The following WASHC2C variants were observed in gnomAD, a reference collection of about 807,000 sequenced individuals.
The protein encoded by WASHC2C is Vaccinia Penetration Factor.
Under a neutral mutation model 142.2 loss-of-function variants are expected in WASHC2C, and 73 were observed. The observed-to-expected ratio is 0.51, with a 90% CI of 0.43 to 0.62. The LOEUF is 0.62. Ranked by LOEUF, WASHC2C falls within the 20% of genes least tolerant of loss-of-function variation. The probability of loss-of-function intolerance (pLI) is 0.00; values close to 1 mark genes in which losing one functional copy is unlikely to be tolerated. For synonymous variants in WASHC2C, 337 were observed against 565.5 expected (o/e 0.60, Z 5.73); for missense variants, 969 against 1,531.7 (o/e 0.63, Z 6.13).
At chr10:45,760,834 A>G (rs2054970276) in intron 17 of WASHC2C, among the ~76,000 whole-genome samples, 1 of 148,892 alleles carries the variant, frequency 6.7e-6, no homozygotes, top group Admixed American at 6.7e-5. Context: ...TTGCTTATTC[A>G]TTGTCTCTAC....
intron 29 of WASHC2C, among the ~76,000 whole-genome samples, chr10:45,789,911 T>G (rs1371203776): frequency 6.6e-6 from 1 of 152,162 alleles, no homozygotes; most frequent in Non-Finnish European, 1.5e-5. Context: ...AATAAGACTT[T>G]CAGTGGCATT....
chr10:45,775,679 A>ATT (rs1554886147), intron 21 of WASHC2C, among the ~76,000 whole-genome samples: 2 of 137,840 alleles, frequency 1.5e-5, no homozygotes, highest in African/African-American at 2.7e-5. Flanking sequence ...ATTTGCATTG[A>ATT]ATTTTTTTTT....
At chr10:45,760,758 G>A (rs1195879542) in intron 17 of WASHC2C, among the ~76,000 whole-genome samples, 1 of 119,790 alleles carries the variant, frequency 8.3e-6, no homozygotes, top group Non-Finnish European at 1.7e-5. Context: ...ATACCACGCT[G>A]TGCTCCTGGT....
rs193113822 is a variant in WASHC2C, at chr10:45,758,333, A to G, written c.1549-982A>G. 1.1e-3 allele frequency among the ~76,000 whole-genome samples: 166 copies of G among 152,132 alleles called. No homozygotes were observed. The Middle Eastern group carries it at 0.017, about 16-fold the overall frequency. ...GTTCTCTTTTGCCATTGCTCAGTTG[A>G]TCTCTAAAGTGATAGTTGAACACAG... On this transcript the variant is annotated intron_variant, in intron 16 of 30. Transcript: ENST00000623400.
At chr10:45,786,393 A>G (rs1317045453) in intron 26 of WASHC2C, 4 of 661,570 alleles carry the variant, frequency 6.0e-6, no homozygotes, top group South Asian at 1.8e-5. Flanking sequence ...TTGACTCCAT[A>G]TCTGATCTGG....
intron 13 of WASHC2C, among the ~76,000 whole-genome samples, chr10:45,754,233 C>T (rs2053964271): frequency 6.6e-6 from 1 of 152,198 alleles, no homozygotes; most frequent in Non-Finnish European, 1.5e-5. Context: ...AGCTGACCCA[C>T]TGCTGTGGCT....
At chr10:45,787,711 C>T (rs1263827686) in intron 28 of WASHC2C, among the ~76,000 whole-genome samples, 2 of 151,986 alleles carry the variant, frequency 1.3e-5, no homozygotes, top group Non-Finnish European at 2.9e-5. Flanking sequence ...TCCAGGCACA[C>T]CAGGTGCCAC....
Position 45,787,244 on chromosome 10 carries a change from C to T in WASHC2C, c.3084C>T (p.Asn1028=). The change falls in exon 28 of 31, where the codon AAC becomes AAT. Residue 1028 remains asparagine (N), a synonymous_variant. Coordinates refer to ENST00000623400, the MANE Select transcript of WASHC2C (RefSeq NM_001330074.2). ...PAQADTLHSA[N]KSRVKMRGKR... ...AGGCAGACACCTTACACAGTGCAAA[C>T]AAGGTGATGAAACCATCTTTGCTTC... The T allele has an allele frequency of 2.8e-6, 4 of 1,419,732 alleles. No homozygotes were observed. The highest frequency in any genetic ancestry group is 4.9e-4 in the Middle Eastern group (2 of 4,114). The allele number at this position is 1,419,732 out of a possible 1,614,324, so 87.9% of individuals were successfully genotyped here. A position where few individuals can be genotyped will look rare whatever the true frequency, so the allele number is the denominator to read the frequency against.
intron 23 of WASHC2C, among the ~76,000 whole-genome samples, chr10:45,784,273 T>TATATATATATATACACACACACAC (rs1564819879): frequency 2.5e-4 from 2 of 8,036 alleles, no homozygotes; most frequent in Non-Finnish European, 9.4e-4. Flanking sequence ...TATATATATA[T>TATATATATATATACACACACACAC]ATATATATAT....
In WASHC2C at chr10:45,786,646, A is replaced by T; in HGVS notation, c.2846A>T (p.Glu949Val). 1 of 1,611,884 alleles carries T rather than the reference A, an allele frequency of 6.2e-7. No homozygotes were observed. Among genetic ancestry groups the T allele is most frequent in the South Asian group, 1.1e-5 (1 of 90,988 alleles). The change falls in exon 27 of 31, where the codon GAA (glutamate) becomes GTA (valine). Residue 949 changes from glutamate to valine, a missense_variant. Physicochemically the swap from Glu to Val is moderately radical, Grantham distance 121 (BLOSUM62 -2). Coordinates refer to ENST00000623400, the MANE Select transcript of WASHC2C (RefSeq NM_001330074.2). ...SSGLAPFKTK[E>V]PSTRIGKIQA... ...GGTCTCGCTCCATTTAAAACCAAAG[A>T]ACCATCCACTCGGATCGGGAAGATA...
At chr10:45,763,288 A>G (rs1335836134) in intron 17 of WASHC2C, 100 bp from the exon 18 acceptor site, 4 of 586,520 alleles carry the variant, frequency 6.8e-6, no homozygotes, top group Non-Finnish European at 1.2e-5. Flanking sequence ...GCCTAGACAC[A>G]TGGCAGCTGT....
chr10:45,752,371 G>A (rs1554875098), intron 11 of WASHC2C, among the ~76,000 whole-genome samples: 2 of 152,304 alleles, frequency 1.3e-5, no homozygotes, highest in African/African-American at 4.8e-5. Context: ...CACAGACGTG[G>A]ACAGACTTGA....
At chr10:45,753,902 T>C (rs1426918971) in intron 13 of WASHC2C, among the ~76,000 whole-genome samples, 1 of 151,728 alleles carries the variant, frequency 6.6e-6, no homozygotes, top group Non-Finnish European at 1.5e-5. Context: ...ACTTGGGAAT[T>C]AGTGATTCTA....
chr10:45,737,866 G>A, intron 3 of WASHC2C, 117 bp from the exon 4 acceptor site: 5 of 1,598,554 alleles, frequency 3.1e-6, no homozygotes, highest in Non-Finnish European at 4.3e-6. Context: ...TCAGCCCTTT[G>A]CTGAATAACC....
chr10:45,780,754 CTTTT>C (rs1195938940), intron 23 of WASHC2C, among the ~76,000 whole-genome samples: 1 of 128,806 alleles, frequency 7.8e-6, no homozygotes, highest in Non-Finnish European at 1.7e-5. Flanking sequence ...TAGTAACTTT[CTTTT>C]TTTTTTTTTT....
chr10:45,748,848 C>T (rs1484467063), intron 8 of WASHC2C, among the ~76,000 whole-genome samples: 1 of 152,156 alleles, frequency 6.6e-6, no homozygotes, highest in African/African-American at 2.4e-5. Context: ...CAGTCCTTTC[C>T]TTCTCTGCAT....
intron 3 of WASHC2C, among the ~76,000 whole-genome samples, chr10:45,732,675 A>G (rs1318156256): frequency 1.3e-5 from 2 of 152,194 alleles, no homozygotes; most frequent in African/African-American, 2.4e-5. Context: ...AGACCTTGGC[A>G]ATGACCTTGA....
chr10:45,763,647 A>G (rs1210241256), intron 18 of WASHC2C, among the ~76,000 whole-genome samples, 158 bp downstream of exon 18: 2 of 152,018 alleles, frequency 1.3e-5, no homozygotes, highest in Non-Finnish European at 2.9e-5. Context: ...TTTTTATTTC[A>G]GTGACTTCTT....
upstream of WASHC2C, chr10:45,727,198 A>T (rs546272302): frequency 8.2e-4 from 1,204 of 1,469,774 alleles, 6 homozygotes; most frequent in African/African-American, 0.015. Context: ...CTGTCACGTG[A>T]CATCAGGTCA....
Sources: allele counts gnomAD v4.1 joint callset (sites outside exome capture counted in the v4.1 genomes callset), GRCh38; gene constraint gnomAD v4.1.1; transcripts MANE v1.5; gene names NCBI Gene and HGNC (gene_info 2026-07-23, HGNC 2026-07-21).